Variants in UBE2N observed in about 807,000 individuals in gnomAD.
The protein encoded by UBE2N is ubiquitin conjugating enzyme E2 N, also known as ubiquitin-conjugating enzyme E2 N.
For missense variants in UBE2N, 60 were observed against 192.1 expected, an observed-to-expected ratio of 0.31 and a Z score of 4.07; for synonymous variants, 70 against 69.2, an observed-to-expected ratio of 1.01 and a Z score of -0.06.
intron 1 of UBE2N, chr12:93,429,310 T>A (rs1878684720): frequency 2.4e-6 from 1 of 420,264 alleles, no homozygotes; most frequent in African/African-American, 2.1e-5. Flanking sequence ...AAACTCAACT[T>A]GATATATAAA....
At chr12:93,428,355 T>C (rs1311915617) in intron 1 of UBE2N, among the ~76,000 whole-genome samples, 1 of 152,218 alleles carries the variant, frequency 6.6e-6, no homozygotes, top group African/African-American at 2.4e-5. Flanking sequence ...TACACAGTCT[T>C]AGTTCAAATA....
intron 1 of UBE2N, among the ~76,000 whole-genome samples, 181 bp downstream of exon 1, chr12:93,441,674 G>A (rs1879117858): frequency 6.6e-6 from 1 of 151,898 alleles, no homozygotes; most frequent in Non-Finnish European, 1.5e-5. Flanking sequence ...GCGGCCGGAA[G>A]TCTCCCCGGC....
intron 1 of UBE2N, among the ~76,000 whole-genome samples, chr12:93,433,543 C>A (rs563588337): frequency 1.3e-5 from 2 of 152,276 alleles, no homozygotes; most frequent in African/African-American, 4.8e-5. Context: ...TCTAATGAAA[C>A]AACAGTCCAA....
Position 93,408,117 on chromosome 12 carries a change from T to A in UBE2N, c.*1922A>T, listed in dbSNP as rs150815057. On this transcript the variant is annotated 3_prime_UTR_variant, in exon 4 of 4. Coordinates refer to ENST00000318066, the MANE Select transcript of UBE2N (RefSeq NM_003348.4). The stretch of plus-strand genomic sequence containing the variant: ...TAACCATGAGCAATATTACGGGCAG[T>A]AAATGTTGATTTCTATTTCGTTTCT... The A allele has an allele frequency of 8.5e-4, 129 of 152,366 alleles. No homozygotes were observed. Among genetic ancestry groups the A allele is most frequent in the African/African-American group, 3.0e-3 (125 of 41,600 alleles). The allele number at this position is 152,366 out of a possible 1,614,324, so 9.4% of individuals were successfully genotyped here. A position where few individuals can be genotyped will look rare whatever the true frequency, so the allele number is the denominator to read the frequency against.
chr12:93,434,083 G>A (rs967044066), intron 1 of UBE2N, among the ~76,000 whole-genome samples: 1 of 152,158 alleles, frequency 6.6e-6, no homozygotes, highest in African/African-American at 2.4e-5. Flanking sequence ...ACGAGGTCAG[G>A]AGATTGAAAC....
chr12:93,427,372 CT>C (rs1878627376), intron 1 of UBE2N, among the ~76,000 whole-genome samples: 1 of 152,208 alleles, frequency 6.6e-6, no homozygotes, highest in Non-Finnish European at 1.5e-5. Context: ...CCCTTCAGCA[CT>C]ATCACTTTTT....
chr12:93,436,078 A>G (rs1248381869), intron 1 of UBE2N, among the ~76,000 whole-genome samples: 3 of 152,076 alleles, frequency 2.0e-5, no homozygotes, highest in Admixed American at 6.6e-5. Flanking sequence ...TTTTCCCAAG[A>G]CTGTATTTTA....
intron 1 of UBE2N, among the ~76,000 whole-genome samples, chr12:93,435,700 CA>C (rs1341280197): frequency 4.6e-5 from 7 of 152,142 alleles, no homozygotes; most frequent in African/African-American, 1.7e-4. Context: ...GAATACCTAT[CA>C]AATGAGTGGC....
At chr12:93,423,826 A>G (rs747494701) in intron 1 of UBE2N, among the ~76,000 whole-genome samples, 2 of 152,188 alleles carry the variant, frequency 1.3e-5, no homozygotes, top group Non-Finnish European at 2.9e-5. Context: ...CTTTAGGCCT[A>G]TAATTACTGT....
At chr12:93,417,072 T>C (rs1410917709) in intron 1 of UBE2N, among the ~76,000 whole-genome samples, 1 of 152,196 alleles carries the variant, frequency 6.6e-6, no homozygotes, top group Non-Finnish European at 1.5e-5. Context: ...TAGACTATGT[T>C]CAGGAAGTTA....
intron 1 of UBE2N, among the ~76,000 whole-genome samples, chr12:93,423,604 A>G (rs1878484865): frequency 6.6e-6 from 1 of 152,218 alleles, no homozygotes; most frequent in Non-Finnish European, 1.5e-5. Flanking sequence ...GAGTTAGCAC[A>G]TCTGAATTTA....
intron 1 of UBE2N, chr12:93,424,317 C>T (rs930559285): frequency 4.6e-5 from 7 of 152,154 alleles, no homozygotes; most frequent in African/African-American, 1.7e-4. Flanking sequence ...GCAGCAATCA[C>T]AACAAAATTT....
At chr12:93,429,507 G>A (rs1878693669) in intron 1 of UBE2N, among the ~76,000 whole-genome samples, 1 of 150,148 alleles carries the variant, frequency 6.7e-6, no homozygotes, top group Non-Finnish European at 1.5e-5. Flanking sequence ...CTATTGCCTA[G>A]TATTTACTAT....
At chr12:93,425,558 T>A (rs1451190471) in intron 1 of UBE2N, among the ~76,000 whole-genome samples, 1 of 152,176 alleles carries the variant, frequency 6.6e-6, no homozygotes, top group East Asian at 1.9e-4. Context: ...TTGCATTTCT[T>A]ACTGGTTAAT....
chr12:93,439,303 A>G lies in UBE2N; in HGVS notation c.30+2552T>C, dbSNP rs542080507. The stretch of plus-strand genomic sequence containing the variant: ...AGAGTTTGAGACCAGCCTGGGCAAC[A>G]TGGCGAAACCCCGTCCCTACAAAAA... On this transcript the variant is annotated intron_variant, in intron 1 of 3. Coordinates refer to ENST00000318066, the MANE Select transcript of UBE2N (RefSeq NM_003348.4). Among the ~76,000 whole-genome samples, 79 of 152,274 alleles carry G rather than the reference A, an allele frequency of 5.2e-4. 1 individual carries two copies. Among genetic ancestry groups the G allele is most frequent in the Middle Eastern group, 6.8e-3 (2 of 294 alleles).
At chr12:93,429,387 T>A (rs1397763745) in intron 1 of UBE2N, 2 of 394,012 alleles carry the variant, frequency 5.1e-6, no homozygotes, top group Non-Finnish European at 9.8e-6. Flanking sequence ...TTAAAATTAG[T>A]CTGATTCAGT....
In UBE2N at chr12:93,437,448, C is replaced by T. The variant is rs771908781; in HGVS notation, c.30+4407G>A. On this transcript the variant is annotated intron_variant, in intron 1 of 3. Transcript: ENST00000318066. ...AGGTATTTGCATGAGAAGGAGAAGACGCCTAACTTATAGCAGAAAGTTGCT... is the reference window on the plus strand; with the variant it reads ...AGGTATTTGCATGAGAAGGAGAAGATGCCTAACTTATAGCAGAAAGTTGCT... Among the ~76,000 whole-genome samples the T allele has an allele frequency of 5.3e-5, 8 of 151,838 alleles. 1 individual carries two copies. The East Asian group carries it at 7.7e-4, about 15-fold the overall frequency.
At chr12:93,416,451 CTT>C (rs35555714) in intron 1 of UBE2N, among the ~76,000 whole-genome samples, 30 of 144,626 alleles carry the variant, frequency 2.1e-4, no homozygotes, top group Non-Finnish European at 2.0e-4. Context: ...ACTTATCTAT[CTT>C]TTTTTTTTTT....
At chr12:93,439,066 G>C (rs1046039386) in intron 1 of UBE2N, among the ~76,000 whole-genome samples, 5 of 152,206 alleles carry the variant, frequency 3.3e-5, no homozygotes, top group Non-Finnish European at 5.9e-5. Context: ...AATGTAAATA[G>C]TGATCATTAT....
Sources: gnomAD v4.1 joint callset for allele counts (sites outside exome capture counted in the v4.1 genomes callset) on GRCh38, gnomAD v4.1.1 for gene constraint, MANE v1.5 for transcripts, NCBI Gene and HGNC (gene_info 2026-07-23, HGNC 2026-07-21) for gene names.